The following CNTN4 variants were observed in gnomAD, a reference collection of about 807,000 sequenced individuals.
CNTN4 encodes contactin 4, also known as contactin-4.
Under a neutral mutation model 122.5 loss-of-function variants are expected in CNTN4, and 77 were observed. The ratio of observed to expected loss-of-function variants is 0.63; its 90% CI spans 0.52 to 0.76. The LOEUF is 0.76. Ranked by LOEUF, CNTN4 falls within the 30% of genes least tolerant of loss-of-function variation. CNTN4 has a pLI of 0.00. For synonymous variants in CNTN4, 512 were observed against 447.0 expected, an observed-to-expected ratio of 1.15 and a Z score of -1.83; for missense variants, 1,256 against 1,259.1, an observed-to-expected ratio of 1.00 and a Z score of 0.04.
intron 2 of CNTN4, among the ~76,000 whole-genome samples, chr3:2,179,521 A>G (rs1439715936): frequency 2.0e-5 from 3 of 152,048 alleles, no homozygotes; most frequent in African/African-American, 7.2e-5. Flanking sequence ...TACCCTATTA[A>G]GAGTGTACAC....
intron 4 of CNTN4, among the ~76,000 whole-genome samples, chr3:2,624,057 A>G (rs931403033): frequency 1.2e-4 from 19 of 152,234 alleles, no homozygotes; most frequent in African/African-American, 2.9e-4. Flanking sequence ...ATCTCAAAAT[A>G]TTGTTTATGC....
At chr3:2,528,859 C>G (rs1487033343) in intron 3 of CNTN4, among the ~76,000 whole-genome samples, 1 of 151,852 alleles carries the variant, frequency 6.6e-6, no homozygotes, top group Non-Finnish European at 1.5e-5. Flanking sequence ...TTATGAAGTA[C>G]ATAGTATTGT....
intron 3 of CNTN4, among the ~76,000 whole-genome samples, chr3:2,359,698 C>A (rs1357843498): frequency 6.6e-6 from 1 of 152,068 alleles, no homozygotes; most frequent in South Asian, 2.1e-4. Context: ...CACCACCACG[C>A]CCTGCTAATT....
intron 13 of CNTN4, among the ~76,000 whole-genome samples, chr3:2,950,925 A>G (rs1553704533): frequency 6.6e-6 from 1 of 152,236 alleles, no homozygotes; most frequent in African/African-American, 2.4e-5. Flanking sequence ...TATCTTATGC[A>G]CTTAGCATAG....
intron 23 of CNTN4, among the ~76,000 whole-genome samples, chr3:3,048,673 G>A (rs773571576): frequency 6.6e-6 from 1 of 152,120 alleles, no homozygotes. Context: ...TGATTGCAAC[G>A]GAAGAGTTGA....
chr3:2,848,223 A>AGT (rs2093488473), intron 7 of CNTN4, among the ~76,000 whole-genome samples: 1 of 152,144 alleles, frequency 6.6e-6, no homozygotes, highest in East Asian at 1.9e-4. Flanking sequence ...TGGGCAACAG[A>AGT]GTGAGACCCT....
Position 2,736,242 on chromosome 3 carries a change from T to A in CNTN4, c.83T>A (p.Phe28Tyr). The A allele has an allele frequency of 6.2e-7, 1 of 1,613,798 alleles. No individual in the cohort carries two copies. The highest frequency in any genetic ancestry group is 8.5e-7 in the Non-Finnish European group (1 of 1,179,790). Residue 28 changes from phenylalanine (F) to tyrosine (Y), a missense_variant, in exon 5 of 25, where the codon TTT (phenylalanine) becomes TAT (tyrosine). Phe to Tyr is a conservative substitution (Grantham distance 22). Coordinates refer to ENST00000418658, the MANE Select transcript of CNTN4 (RefSeq NM_175607.3). ...GATTCCACACTGCATGGCCCGATTT[T>A]TATTCAAGAACCAAGTCCTGTAATG... ...ADDSTLHGPIFIQEPSPVMFP... is the reference protein window; with the variant it reads ...ADDSTLHGPIYIQEPSPVMFP...
intron 3 of CNTN4, among the ~76,000 whole-genome samples, chr3:2,411,424 C>G (rs984058587): frequency 6.6e-6 from 1 of 152,142 alleles, no homozygotes. Context: ...TGCCATAAAG[C>G]TACCTGAAAT....
intron 2 of CNTN4, among the ~76,000 whole-genome samples, chr3:2,243,404 G>A (rs2040017426): frequency 6.6e-6 from 1 of 152,074 alleles, no homozygotes; most frequent in South Asian, 2.1e-4. Flanking sequence ...CCCATGTGTG[G>A]GCTGTATTAA....
At chr3:2,648,045 C>T (rs2083205706) in intron 4 of CNTN4, among the ~76,000 whole-genome samples, 1 of 152,172 alleles carries the variant, frequency 6.6e-6, no homozygotes, top group Admixed American at 6.5e-5. Context: ...CCTTCCCAGT[C>T]ATCACTGAGT....
At chr3:3,053,100 T>A (rs1701424417) in intron 23 of CNTN4, among the ~76,000 whole-genome samples, 1 of 152,250 alleles carries the variant, frequency 6.6e-6, no homozygotes, top group African/African-American at 2.4e-5. Context: ...AGTGGCTTGA[T>A]CTCGGCTCAC....
chr3:2,552,474 G>T (rs972624970), intron 3 of CNTN4, among the ~76,000 whole-genome samples: 5 of 152,134 alleles, frequency 3.3e-5, no homozygotes, highest in African/African-American at 1.2e-4. Flanking sequence ...ATCATGTTGT[G>T]GGGGAAGCAA....
intron 6 of CNTN4, among the ~76,000 whole-genome samples, chr3:2,785,944 T>C (rs1454010288): frequency 1.0e-5 from 1 of 99,302 alleles, no homozygotes; most frequent in Non-Finnish European, 1.9e-5. Context: ...CAGACCCCAC[T>C]GGCAGAGCAG....
chr3:2,932,800 C>CTTTATTTATTTATTTA (rs71058655), intron 13 of CNTN4, among the ~76,000 whole-genome samples: 47 of 148,950 alleles, frequency 3.2e-4, no homozygotes, highest in South Asian at 6.4e-4. Context: ...TGCTTACAGT[C>CTTTATTTATTTATTTA]TTTATTTATT....
chr3:2,157,547 C>G lies in CNTN4; in HGVS notation c.-145+56908C>G, dbSNP rs144613198. On this transcript the variant is annotated intron_variant, in intron 2 of 24. Transcript: ENST00000418658. ...AAAACTTTGGAGTAGTTTTTGGGCT[C>G]AAAATCTCACTTTACTGTTACTATC... Among the ~76,000 whole-genome samples the G allele has an allele frequency of 5.7e-4, 87 of 152,218 alleles. No individual in the cohort carries two copies. In the East Asian group the frequency reaches 0.013, roughly 22 times the overall value.
intron 2 of CNTN4, among the ~76,000 whole-genome samples, chr3:2,324,667 A>G (rs907828443): frequency 6.6e-6 from 1 of 152,112 alleles, no homozygotes; most frequent in African/African-American, 2.4e-5. Context: ...GCCTACCCCA[A>G]AAGGTAAAGG....
At chr3:2,862,506 C>T (rs568561988) in intron 7 of CNTN4, among the ~76,000 whole-genome samples, 1 of 152,286 alleles carries the variant, frequency 6.6e-6, no homozygotes, top group African/African-American at 2.4e-5. Flanking sequence ...CAACTAGCCT[C>T]AGTATTTTTC....
intron 2 of CNTN4, among the ~76,000 whole-genome samples, chr3:2,297,319 A>G (rs1000164646): frequency 2.0e-5 from 3 of 152,344 alleles, no homozygotes; most frequent in Middle Eastern, 3.4e-3. Flanking sequence ...TCAGAAGGAA[A>G]TCATCTGTAT....
At chr3:2,805,154 G>A (rs12633320) in intron 6 of CNTN4, among the ~76,000 whole-genome samples, 38,267 of 151,890 alleles carry the variant, frequency 0.25, 6,002 homozygotes, top group East Asian at 0.44. Context: ...TCCAGCCTGT[G>A]CAACAAGAAC....
Sources: allele counts gnomAD v4.1 joint callset (sites outside exome capture counted in the v4.1 genomes callset), GRCh38; gene constraint gnomAD v4.1.1; transcripts MANE v1.5; gene names NCBI Gene and HGNC (gene_info 2026-07-23, HGNC 2026-07-21).